EPB41L4A: variants seen among roughly 807,000 people sequenced by gnomAD.
The protein encoded by EPB41L4A is erythrocyte membrane protein band 4.1 like 4A, also known as band 4.1-like protein 4A.
Under a neutral mutation model 108.6 loss-of-function variants are expected in EPB41L4A, and 100 were observed. The observed-to-expected ratio is 0.92, with a 90% CI of 0.78 to 1.09. EPB41L4A has a LOEUF of 1.09. EPB41L4A is among the 50% of genes least tolerant of loss of function. The probability of loss-of-function intolerance (pLI) is 0.00; values close to 1 mark genes in which losing one functional copy is unlikely to be tolerated. For missense variants in EPB41L4A, 1,030 were observed against 842.7 expected, an observed-to-expected ratio of 1.22 and a Z score of -2.75; for synonymous variants, 319 against 289.0, an observed-to-expected ratio of 1.10 and a Z score of -1.05.
At chr5:112,276,757 C>T (rs1347780193) in intron 3 of EPB41L4A, among the ~76,000 whole-genome samples, 1 of 152,138 alleles carries the variant, frequency 6.6e-6, no homozygotes, top group African/African-American at 2.4e-5. Context: ...GTATTTATAA[C>T]ATATGAACTA....
intron 1 of EPB41L4A, among the ~76,000 whole-genome samples, chr5:112,393,768 C>A (rs1350675609): frequency 6.6e-6 from 1 of 152,114 alleles, no homozygotes; most frequent in Non-Finnish European, 1.5e-5. Flanking sequence ...GATACCAAAG[C>A]CTGGCAGAGA....
intron 12 of EPB41L4A, among the ~76,000 whole-genome samples, chr5:112,225,945 G>C (rs1159446998): frequency 1.3e-5 from 2 of 152,226 alleles, no homozygotes; most frequent in South Asian, 2.1e-4. Context: ...TTCTAAAAGA[G>C]TAAGCTACTA....
intron 1 of EPB41L4A, among the ~76,000 whole-genome samples, chr5:112,386,793 C>A (rs1760567089): frequency 6.6e-6 from 1 of 152,174 alleles, no homozygotes. Context: ...CACTGGAAGA[C>A]TGAATAGATG....
rs1752878395 is a variant in EPB41L4A at position 112,280,220 on chromosome 5, T to A, written c.256+52A>T. 2.0e-6 allele frequency: 3 copies of A among 1,510,806 alleles called. No individual in the cohort carries two copies. In the South Asian group the frequency reaches 3.4e-5, roughly 17 times the overall value. The allele number at this position is 1,510,806 out of a possible 1,614,324, so 93.6% of individuals were successfully genotyped here. ...CTTCTGCACCCAACTAATCATGGAC[T>A]TTGTCATCGTTTTCAAGCCACCCTT... is the stretch of plus-strand genomic sequence containing the variant. On this transcript the variant is annotated intron_variant, in intron 3 of 22. Transcript: ENST00000261486.
intron 12 of EPB41L4A, among the ~76,000 whole-genome samples, chr5:112,233,424 C>T (rs1326178871): frequency 2.6e-5 from 4 of 152,124 alleles, no homozygotes; most frequent in Non-Finnish European, 5.9e-5. Context: ...CATATGTATA[C>T]ATGTATGTAT....
rs1213586078 is a variant in EPB41L4A, at chr5:112,312,902, G to A, written c.100-5412C>T. Among the ~76,000 whole-genome samples, 5 of 152,278 alleles carry A rather than the reference G, an allele frequency of 3.3e-5. No homozygotes were observed. In the East Asian group the frequency reaches 9.6e-4, roughly 29 times the overall value. The stretch of plus-strand genomic sequence containing the variant: ...AGAAATCATCTTTGAATAAAGAAAT[G>A]AAGAACTGACAGAGAACTGACATAG... On this transcript the variant is annotated intron_variant, in intron 1 of 22. Transcript: ENST00000261486.
chr5:112,344,563 A>G (rs1001380291), intron 1 of EPB41L4A, among the ~76,000 whole-genome samples: 1 of 152,234 alleles, frequency 6.6e-6, no homozygotes, highest in African/African-American at 2.4e-5. Flanking sequence ...TGAAGATACT[A>G]TGTAGGTGTG....
chr5:112,232,614 C>T (rs933726293), intron 12 of EPB41L4A, among the ~76,000 whole-genome samples: 80 of 152,168 alleles, frequency 5.3e-4, no homozygotes, highest in African/African-American at 1.9e-3. Context: ...TAAACTCATA[C>T]ACTTTTCTTC....
intron 12 of EPB41L4A, among the ~76,000 whole-genome samples, chr5:112,222,368 A>C (rs1000448593): frequency 2.0e-5 from 3 of 152,196 alleles, no homozygotes; most frequent in Non-Finnish European, 4.4e-5. Flanking sequence ...CTGCCTGTGT[A>C]ATCTCAAACA....
At chr5:112,301,053 G>A (rs994374387) in intron 2 of EPB41L4A, among the ~76,000 whole-genome samples, 2 of 151,744 alleles carry the variant, frequency 1.3e-5, no homozygotes, top group Non-Finnish European at 2.9e-5. Context: ...CTCGTTCCTT[G>A]TATCATTTTT....
At chr5:112,195,629 C>T (rs1414861815) in intron 16 of EPB41L4A, 32 bp downstream of exon 16, 2 of 1,575,978 alleles carry the variant, frequency 1.3e-6, no homozygotes, top group Admixed American at 1.7e-5. Flanking sequence ...CCCTTCTTCC[C>T]TCTGACTGTC....
At chr5:112,314,522 A>G (rs1326279964) in intron 1 of EPB41L4A, among the ~76,000 whole-genome samples, 2 of 129,978 alleles carry the variant, frequency 1.5e-5, no homozygotes, top group African/African-American at 5.3e-5. Context: ...AAAAAAAAAA[A>G]AAAAAAAAAA....
chr5:112,369,768 T>C (rs965531461), intron 1 of EPB41L4A, among the ~76,000 whole-genome samples: 2 of 152,152 alleles, frequency 1.3e-5, no homozygotes, highest in East Asian at 3.9e-4. Context: ...TGATACAAGA[T>C]GACAGCTGAA....
At chr5:112,358,589 T>A (rs996513283) in intron 1 of EPB41L4A, among the ~76,000 whole-genome samples, 1 of 152,210 alleles carries the variant, frequency 6.6e-6, no homozygotes, top group African/African-American at 2.4e-5. Flanking sequence ...CAACTAGAAT[T>A]CTCACAGATT....
chr5:112,165,193 C>T (rs1228907459), intron 22 of EPB41L4A, 75 bp from the exon 23 acceptor site: 2 of 1,118,054 alleles, frequency 1.8e-6, no homozygotes, highest in Non-Finnish European at 2.6e-6. Context: ...ACATCAGAAA[C>T]CAAGCTGCTC....
chr5:112,210,467 A>G (rs1762682945), intron 12 of EPB41L4A, among the ~76,000 whole-genome samples: 1 of 152,186 alleles, frequency 6.6e-6, no homozygotes, highest in Non-Finnish European at 1.5e-5. Context: ...AGTAATATAC[A>G]TGTGATCTGT....
chr5:112,265,458 A>C, intron 5 of EPB41L4A, among the ~76,000 whole-genome samples: 1 of 152,228 alleles, frequency 6.6e-6, no homozygotes, highest in East Asian at 1.9e-4. Flanking sequence ...ATGCAATACA[A>C]TGCTGCACAT....
intron 4 of EPB41L4A, among the ~76,000 whole-genome samples, chr5:112,267,136 G>A (rs1170533035): frequency 6.6e-6 from 1 of 152,064 alleles, no homozygotes; most frequent in Non-Finnish European, 1.5e-5. Flanking sequence ...TTCTGCTAGT[G>A]GACTGAGAGG....
intron 5 of EPB41L4A, among the ~76,000 whole-genome samples, chr5:112,265,987 A>C (rs1407516227): frequency 1.3e-5 from 2 of 152,300 alleles, no homozygotes; most frequent in African/African-American, 4.8e-5. Context: ...CCCTCCACTT[A>C]ATCAAGAATC....
Sources: gnomAD v4.1 joint callset for allele counts (sites outside exome capture counted in the v4.1 genomes callset) on GRCh38, gnomAD v4.1.1 for gene constraint, MANE v1.5 for transcripts, NCBI Gene and HGNC (gene_info 2026-07-23, HGNC 2026-07-21) for gene names.